TBC1D14: variants seen among roughly 807,000 people sequenced by gnomAD.
TBC1D14 encodes the protein TBC1 domain family, member 14.
Under a neutral mutation model 79.0 loss-of-function variants are expected in TBC1D14, and 26 were observed. That is an observed-to-expected ratio of 0.33 (90% confidence interval 0.24 to 0.46). The LOEUF (loss-of-function observed/expected upper bound fraction) is 0.46. Among genes scored for constraint, TBC1D14 ranks in the 20% least tolerant of loss-of-function variants. The pLI is 1.00. For missense variants in TBC1D14, 769 were observed against 887.6 expected, an observed-to-expected ratio of 0.87 and a Z score of 1.70; for synonymous variants, 394 against 349.9, an observed-to-expected ratio of 1.13 and a Z score of -1.40.
intron 2 of TBC1D14, among the ~76,000 whole-genome samples, chr4:6,955,390 G>A (rs1254866317): frequency 2.6e-5 from 4 of 152,188 alleles, no homozygotes; most frequent in Admixed American, 6.5e-5. Context: ...CCGTACGGTG[G>A]CGGCTGTAAT....
chr4:7,012,301 CAAA>C (rs35439827), intron 11 of TBC1D14, among the ~76,000 whole-genome samples: 205 of 121,948 alleles, frequency 1.7e-3, no homozygotes, highest in Admixed American at 2.2e-3. Flanking sequence ...GACCCCATCT[CAAA>C]AAAAAAAAAA....
chr4:6,982,221 C>T (rs557240507), intron 3 of TBC1D14, among the ~76,000 whole-genome samples: 30 of 152,272 alleles, frequency 2.0e-4, no homozygotes, highest in African/African-American at 7.0e-4. Flanking sequence ...ATGGAAACAA[C>T]CCAAATGCCT....
chr4:6,919,781 C>T (rs571103599), intron 1 of TBC1D14, among the ~76,000 whole-genome samples: 2 of 152,130 alleles, frequency 1.3e-5, no homozygotes, highest in South Asian at 2.1e-4. Flanking sequence ...CCACCATGCC[C>T]AGCTAATTTT....
At chr4:7,006,584 AC>A in intron 8 of TBC1D14, 47 bp from the exon 9 acceptor site, 1 of 1,546,462 alleles carries the variant, frequency 6.5e-7, no homozygotes, top group Non-Finnish European at 8.9e-7. Context: ...TAATTGTCCT[AC>A]ATTCGTGCCC....
intron 2 of TBC1D14, 63 bp downstream of exon 2, chr4:6,924,174 C>T (rs1158788124): frequency 1.3e-6 from 2 of 1,525,254 alleles, no homozygotes; most frequent in African/African-American, 2.8e-5. Flanking sequence ...CTCCTTGTTC[C>T]TGTCTCAAAT....
At chr4:7,016,207 T>C (rs1296110739) in intron 12 of TBC1D14, among the ~76,000 whole-genome samples, 1 of 152,228 alleles carries the variant, frequency 6.6e-6, no homozygotes, top group African/African-American at 2.4e-5. Flanking sequence ...TTGAATCTTG[T>C]AGCTGAAGCC....
intron 13 of TBC1D14, among the ~76,000 whole-genome samples, chr4:7,030,109 G>A (rs930493986): frequency 6.6e-5 from 10 of 152,222 alleles, no homozygotes; most frequent in African/African-American, 2.2e-4. Context: ...CGGCTGGAAG[G>A]AGTGCAGCTA....
chr4:6,977,701 CA>C, intron 3 of TBC1D14, among the ~76,000 whole-genome samples: 1 of 118,000 alleles, frequency 8.5e-6, no homozygotes. Flanking sequence ...GCCGCCATCC[CA>C]TCTAGGAAGT....
chr4:6,999,002 G>A lies in TBC1D14; in HGVS notation c.1046-83G>A, dbSNP rs867041504. The A allele has an allele frequency of 1.4e-4, 187 of 1,369,454 alleles. 1 individual carries two copies. The highest frequency in any genetic ancestry group is 1.8e-4 in the Non-Finnish European group (176 of 970,112). 84.8% of individuals were successfully genotyped at this position (1,369,454 alleles called of 1,614,324 possible). ...TCAGGGCGGTTTTCCTGGTGTGTTC[G>A]CAGTGTGACAGGAAAATCACCTTGC... On this transcript the variant is annotated intron_variant, in intron 5 of 13. Coordinates refer to ENST00000409757, the MANE Select transcript of TBC1D14 (RefSeq NM_020773.3).
rs757686076 is a variant in TBC1D14, at chr4:7,009,976, ATGT to A, written c.1518+33_1518+35del. Reference sequence around the variant, plus strand: ...AAGTGAAGTTTCTCAGTATTTTATAATGTTGTTATCTAAAAAGAAAGTCAGATA... The same window carrying A: ...AAGTGAAGTTTCTCAGTATTTTATAATGTTATCTAAAAAGAAAGTCAGATA... On this transcript the variant is annotated intron_variant, in intron 10 of 13. Transcript: ENST00000409757. 4 of 1,612,198 alleles carry A rather than the reference ATGT, an allele frequency of 2.5e-6. 1 individual carries two copies. Among genetic ancestry groups the A allele is most frequent in the Non-Finnish European group, 3.4e-6 (4 of 1,178,338 alleles).
rs558339173 is a variant in TBC1D14 at position 7,023,143 on chromosome 4, A to C, written c.1758-1861A>C. ...GTCGTGGACGCCTGTAATCCCAGCT[A>C]CTTGGGAGGCTGAGGCACAGAATTG... On this transcript the variant is annotated intron_variant, in intron 12 of 13. Coordinates refer to ENST00000409757, the MANE Select transcript of TBC1D14 (RefSeq NM_020773.3). Among the ~76,000 whole-genome samples the C allele has an allele frequency of 2.5e-3, 377 of 152,296 alleles. 1 individual carries two copies. Among genetic ancestry groups the C allele is most frequent in the African/African-American group, 8.5e-3 (355 of 41,562 alleles).
rs1373195037 is a variant in TBC1D14 at position 7,025,847 on chromosome 4, C to T, written c.2016+585C>T. Among the ~76,000 whole-genome samples the T allele has an allele frequency of 2.0e-5, 3 of 152,224 alleles. No homozygotes were observed. The East Asian group carries it at 5.8e-4, about 29-fold the overall frequency. On this transcript the variant is annotated intron_variant, in intron 13 of 13. Transcript: ENST00000409757. ...ATCCCTTGGTTTCCCTCCAGGCATC[C>T]CTCCTAGGTCCTGTCCCCAGTGGGA...
rs541699128 is a variant in TBC1D14 at position 6,978,439 on chromosome 4, ACC to A, written c.843+11019_843+11020del. 1.4e-3 allele frequency among the ~76,000 whole-genome samples: 209 copies of A among 149,938 alleles called. 2 individuals are homozygous for A. The highest frequency in any genetic ancestry group is 4.9e-3 in the African/African-American group (199 of 40,220). On this transcript the variant is annotated intron_variant, in intron 3 of 13. Transcript: ENST00000409757. ...TGGGATCCTGTTGATCTGTGACCTTACCCCCAACCCTGTGCTCTCTGAAACAT... is the reference window on the plus strand; with the variant it reads ...TGGGATCCTGTTGATCTGTGACCTTACCCAACCCTGTGCTCTCTGAAACAT...
chr4:7,024,917 T>C, intron 12 of TBC1D14, 87 bp from the exon 13 acceptor site: 1 of 1,558,476 alleles, frequency 6.4e-7, no homozygotes, highest in Non-Finnish European at 8.7e-7. Flanking sequence ...TAGGGGAGTG[T>C]TTTTCATGGA....
At chr4:6,920,396 T>A (rs1387548353) in intron 1 of TBC1D14, among the ~76,000 whole-genome samples, 1 of 152,052 alleles carries the variant, frequency 6.6e-6, no homozygotes, top group Admixed American at 6.6e-5. Context: ...TGCCCCAGCC[T>A]CTTGAGTAAC....
rs543265985 is a variant in TBC1D14 at position 7,032,169 on chromosome 4, G to C, written c.*1777G>C. On this transcript the variant is annotated 3_prime_UTR_variant, in exon 14 of 14. Coordinates refer to ENST00000409757, the MANE Select transcript of TBC1D14 (RefSeq NM_020773.3). The stretch of plus-strand genomic sequence containing the variant: ...CGTCCTGTCTTCACGGGGGGGTCCC[G>C]GTGGCCTCCAGACGTAGCCATTTCC... 6.6e-6 allele frequency: 1 copy of C among 152,610 alleles called. No individual in the cohort carries two copies. The highest frequency in any genetic ancestry group is 2.4e-5 in the African/African-American group (1 of 41,430). 9.5% of individuals were successfully genotyped at this position (152,610 alleles called of 1,614,324 possible).
At chr4:6,916,008 C>T (rs557659645) in intron 1 of TBC1D14, among the ~76,000 whole-genome samples, 10 of 151,786 alleles carry the variant, frequency 6.6e-5, no homozygotes, top group Non-Finnish European at 1.5e-4. Context: ...CGCCTGTAAT[C>T]CCAGCTACTC....
rs200174785 is a variant in TBC1D14 at position 6,977,063 on chromosome 4, T to TCCTCTC, written c.843+9660_843+9665dup. Among the ~76,000 whole-genome samples, 10 of 14,048 alleles carry TCCTCTC rather than the reference T, an allele frequency of 7.1e-4. 1 individual carries two copies. The highest frequency in any genetic ancestry group is 1.2e-3 in the Admixed American group (1 of 822). The allele number at this position is 14,048 out of a possible 152,430, so 9.2% of individuals were successfully genotyped here. On this transcript the variant is annotated intron_variant, in intron 3 of 13. Coordinates refer to ENST00000409757, the MANE Select transcript of TBC1D14 (RefSeq NM_020773.3). ...TCCCTCTCCCTCCTCTCCCTCTCCC[T>TCCTCTC]CCTCTCCCTCTCCCTCTCCCTCTCC...
Position 7,004,904 on chromosome 4 carries a change from GC to G in TBC1D14, c.1332del (p.Ser445LeufsTer69), listed in dbSNP as rs1560337479. On this transcript the variant is annotated frameshift_variant, in exon 8 of 14. Coordinates refer to ENST00000409757, the MANE Select transcript of TBC1D14 (RefSeq NM_020773.3). LOFTEE classifies it high-confidence loss of function. The part of the protein sequence containing the change: ...KERWRSLSTG[G>X]SEVENEDAGF... ...AGGTGGCGGTCCCTTAGCACAGGAG[GC>G]TCTGAAGTGGAGAACGAAGGTAGAA... 6.2e-7 allele frequency: 1 copy of G among 1,614,148 alleles called. No homozygotes were observed. Among genetic ancestry groups the G allele is most frequent in the Non-Finnish European group, 8.5e-7 (1 of 1,180,008 alleles).
Sources: gnomAD v4.1 joint callset for allele counts (sites outside exome capture counted in the v4.1 genomes callset) on GRCh38, gnomAD v4.1.1 for gene constraint, MANE v1.5 for transcripts, NCBI Gene and HGNC (gene_info 2026-07-23, HGNC 2026-07-21) for gene names.